The following TNS1 variants were observed in gnomAD, a reference collection of about 807,000 sequenced individuals.
TNS1 encodes the protein tensin 1.
A neutral mutation model predicts 168.6 loss-of-function variants in TNS1; 62 were observed. That is an observed-to-expected ratio of 0.37 (90% CI 0.30 to 0.45). TNS1 has a LOEUF of 0.45. Among genes scored for constraint, TNS1 ranks in the 20% least tolerant of loss-of-function variants. The probability of loss-of-function intolerance (pLI) is 1.00; values close to 1 mark genes in which losing one functional copy is unlikely to be tolerated. For missense variants in TNS1, 2,240 were observed against 2,339.4 expected, an observed-to-expected ratio of 0.96 and a Z score of 0.88; for synonymous variants, 934 against 933.2, an observed-to-expected ratio of 1.00 and a Z score of -0.02.
chr2:217,871,064 C>A (rs1043831850), intron 18 of TNS1, among the ~76,000 whole-genome samples: 3 of 152,192 alleles, frequency 2.0e-5, no homozygotes, highest in Non-Finnish European at 4.4e-5. Flanking sequence ...GGCCTCTATG[C>A]AGACCAGCAC....
rs375284746 is a variant in TNS1 at position 217,885,792 on chromosome 2, G to A, written c.1068C>T (p.Ser356=). The change falls in exon 15 of 33, where the codon AGC becomes AGT. Residue 356 remains serine (S), a synonymous_variant. Transcript: ENST00000682258. ...IYNIPGDSQT[S]VCITIEPGLL... ...GTCCTGGCTCGATGGTGATGCAGACGCTAGTCTGGCTGTCTCCTGGGATGT... is the reference window on the plus strand; with the variant it reads ...GTCCTGGCTCGATGGTGATGCAGACACTAGTCTGGCTGTCTCCTGGGATGT... The A allele has an allele frequency of 5.3e-5, 86 of 1,614,040 alleles. No homozygotes were observed. In the African/African-American group the frequency reaches 5.9e-4, roughly 11 times the overall value.
intron 4 of TNS1, among the ~76,000 whole-genome samples, chr2:217,919,480 C>T (rs1188857368): frequency 3.3e-5 from 5 of 152,250 alleles, no homozygotes; most frequent in African/African-American, 1.2e-4. Flanking sequence ...CCTTCCCCAG[C>T]AGCGCCCAGA....
At chr2:217,881,982 C>T (rs1451220538) in intron 17 of TNS1, 2 of 189,160 alleles carry the variant, frequency 1.1e-5, no homozygotes, top group East Asian at 1.5e-4. Flanking sequence ...GGTTGAATCA[C>T]CTCAGTTCTC....
At chr2:217,815,909 A>G (rs1417341341) in intron 24 of TNS1, among the ~76,000 whole-genome samples, 3 of 152,106 alleles carry the variant, frequency 2.0e-5, no homozygotes, top group African/African-American at 7.2e-5. Context: ...CAAACAGGTG[A>G]TGGCTGGCCT....
chr2:217,906,602 C>T (rs565691256), intron 5 of TNS1, among the ~76,000 whole-genome samples: 2 of 152,196 alleles, frequency 1.3e-5, no homozygotes, highest in East Asian at 1.9e-4. Context: ...GTGGGAGATA[C>T]TATTATTCTC....
intron 4 of TNS1, among the ~76,000 whole-genome samples, chr2:217,916,464 C>T (rs751526066): frequency 3.5e-4 from 53 of 152,318 alleles, no homozygotes; most frequent in Non-Finnish European, 5.3e-4. Context: ...TGGTGGCCAA[C>T]CCATTTGGCG....
chr2:217,893,088 G>A lies in TNS1; in HGVS notation c.718-76C>T, dbSNP rs1951901153. On this transcript the variant is annotated intron_variant, in intron 10 of 32. Transcript: ENST00000682258. ...GCCCCAGAGCTTATCTAGAAGCCTT[G>A]GTGGAAAAGAGTCAGGGCTGGAGAG... is the stretch of plus-strand genomic sequence containing the variant. 3.8e-6 allele frequency: 6 copies of A among 1,570,696 alleles called. No individual in the cohort carries two copies. The South Asian group carries it at 4.5e-5, about 12-fold the overall frequency.
chr2:217,808,739 A>G (rs965397742), intron 30 of TNS1, 68 bp from the exon 31 acceptor site: 12 of 1,476,108 alleles, frequency 8.1e-6, no homozygotes, highest in Admixed American at 1.7e-5. Context: ...TCCTTCCACC[A>G]GCAGGTCAGG....
intron 19 of TNS1, among the ~76,000 whole-genome samples, chr2:217,846,329 G>A (rs1025633671): frequency 6.6e-6 from 1 of 152,176 alleles, no homozygotes; most frequent in Admixed American, 6.5e-5. Context: ...CAGGGAGCCT[G>A]TGTCCCCACA....
At chr2:217,938,772 G>A (rs1028203925) in intron 3 of TNS1, among the ~76,000 whole-genome samples, 2 of 152,148 alleles carry the variant, frequency 1.3e-5, no homozygotes, top group African/African-American at 2.4e-5. Flanking sequence ...TTACAGTGAT[G>A]GCAACTTTCT....
intron 1 of TNS1, among the ~76,000 whole-genome samples, chr2:217,994,613 G>A (rs1049372550): frequency 2.6e-5 from 4 of 152,232 alleles, no homozygotes; most frequent in Admixed American, 2.6e-4. Flanking sequence ...GAGTCTCCCA[G>A]AAGAGAGCCC....
chr2:217,915,523 C>A (rs1257647073), intron 4 of TNS1, among the ~76,000 whole-genome samples: 1 of 152,142 alleles, frequency 6.6e-6, no homozygotes, highest in African/African-American at 2.4e-5. Context: ...GGTCCTAAGC[C>A]CAGGGGGTAG....
Position 217,848,528 on chromosome 2 carries a change from G to A in TNS1, c.1989C>T (p.Ser663=). ...ACTTGTCCAGACCGTTGGTCAGTGG[G>A]GACAGGGCCTCTGGGTAGCCCCCCT... ...TSEGGYPEAL[S]PLTNGLDKSY... The change falls in exon 19 of 33, where the codon TCC becomes TCT. Residue 663 remains serine, a synonymous_variant. Coordinates refer to ENST00000682258, the MANE Select transcript of TNS1 (RefSeq NM_001387777.1). 6.2e-7 allele frequency: 1 copy of A among 1,613,856 alleles called. No homozygotes were observed. Among genetic ancestry groups the A allele is most frequent in the East Asian group, 2.2e-5 (1 of 44,866 alleles).
rs761663219 is a variant in TNS1 at position 217,886,069 on chromosome 2, G to T, written c.1015C>A (p.Gln339Lys). 8 of 1,613,948 alleles carry T rather than the reference G, an allele frequency of 5.0e-6. No individual in the cohort carries two copies. In the East Asian group the frequency reaches 1.6e-4, roughly 31 times the overall value. Residue 339 changes from glutamine to lysine, a missense_variant, in exon 14 of 33, where the codon CAA becomes AAA. Physicochemically the swap from Gln to Lys is moderately conservative, Grantham distance 53. Coordinates refer to ENST00000682258, the MANE Select transcript of TNS1 (RefSeq NM_001387777.1). ...RPFLRIYQAM[Q>K]PVYTSGIYNI... ...TAGATGCCAGATGTGTACACAGGTT[G>T]CATGGCCTGGTAGATGCGGAGAAAT...
chr2:217,892,430 G>A lies in TNS1; in HGVS notation c.782+518C>T, dbSNP rs543864272. ...TTCCTTGTTGAGTGAATAACAAAACGAATGGGTGAATCCCTCTGCCTCTCT... is the reference window on the plus strand; with the variant it reads ...TTCCTTGTTGAGTGAATAACAAAACAAATGGGTGAATCCCTCTGCCTCTCT... On this transcript the variant is annotated intron_variant, in intron 11 of 32. Transcript: ENST00000682258. Among the ~76,000 whole-genome samples the A allele has an allele frequency of 8.5e-5, 13 of 152,328 alleles. No homozygotes were observed. The South Asian group carries it at 1.7e-3, about 19-fold the overall frequency.
chr2:217,988,475 C>T (rs1400684477), intron 2 of TNS1, among the ~76,000 whole-genome samples: 1 of 152,114 alleles, frequency 6.6e-6, no homozygotes, highest in Admixed American at 6.5e-5. Context: ...CAGACTGCCT[C>T]GTATCACCAT....
chr2:217,838,023 C>T (rs1454207966), intron 19 of TNS1, among the ~76,000 whole-genome samples: 2 of 152,238 alleles, frequency 1.3e-5, no homozygotes, highest in Admixed American at 1.3e-4. Context: ...ACAGACATAG[C>T]CATTGATTTT....
intron 10 of TNS1, 43 bp from the exon 11 acceptor site, chr2:217,893,055 G>A: frequency 6.2e-7 from 1 of 1,610,418 alleles, no homozygotes. Flanking sequence ...TCTAAGGCCA[G>A]CCTTGCTGCC....
rs1946934472 is a variant in TNS1, at chr2:217,848,162, A to AGGCTGCTGC, written c.2346_2354dup (p.Gln783_Pro785dup). The stretch of plus-strand genomic sequence containing the variant: ...TTTCCTGCTGGCGTGGAGGTGGGCG[A>AGGCTGCTGC]GGCTGCTGCTGCTGCTGCTGCTGCT... On this transcript the variant is annotated inframe_insertion, in exon 19 of 33. Coordinates refer to ENST00000682258, the MANE Select transcript of TNS1 (RefSeq NM_001387777.1). The AGGCTGCTGC allele has an allele frequency of 6.3e-7, 1 of 1,594,792 alleles. No homozygotes were observed. The highest frequency in any genetic ancestry group is 1.4e-5 in the African/African-American group (1 of 71,264).
Sources: allele counts gnomAD v4.1 joint callset (sites outside exome capture counted in the v4.1 genomes callset), GRCh38; gene constraint gnomAD v4.1.1; transcripts MANE v1.5; gene names NCBI Gene and HGNC (gene_info 2026-07-23, HGNC 2026-07-21).